The following HELZ2 variants were observed in gnomAD, a reference collection of about 807,000 sequenced individuals.
HELZ2 encodes 3'-5' exoribonuclease HELZ2.
A neutral mutation model predicts 208.8 loss-of-function variants in HELZ2; 143 were observed. The ratio of observed to expected loss-of-function variants is 0.68; its 90% CI spans 0.60 to 0.79. The LOEUF is 0.79. HELZ2 is among the 30% of genes least tolerant of loss of function. HELZ2 has a pLI of 0.00. For synonymous variants in HELZ2, 1,705 were observed against 1,693.7 expected, an observed-to-expected ratio of 1.01 and a Z score of -0.16; for missense variants, 3,690 against 3,794.5, an observed-to-expected ratio of 0.97 and a Z score of 0.72.
At chr20:63,559,396 G>A (rs1267659291) in intron 18 of HELZ2, 26 bp from the exon 20 acceptor site, 2 of 1,560,116 alleles carry the variant, frequency 1.3e-6, no homozygotes, top group African/African-American at 1.4e-5. Context: ...TCAGATGGGA[G>A]TCAGTCAGGG....
chr20:63,567,314 C>T, exon 6 of HELZ2: 1 of 1,609,794 alleles, frequency 6.2e-7, no homozygotes, highest in Non-Finnish European at 8.5e-7. Flanking sequence ...GAGGCATAGG[C>T]CAGCGGGGTG....
In HELZ2 at chr20:63,568,495, AG is replaced by A; in HGVS notation, c.1592del (p.Pro531LeufsTer73). 6.3e-7 allele frequency: 1 copy of A among 1,586,996 alleles called. No individual in the cohort carries two copies. On this transcript the variant is annotated frameshift_variant, in exon 5 of 19. Coordinates refer to ENST00000467148, the Ensembl canonical transcript of HELZ2. LOFTEE classifies it high-confidence loss of function. The stretch of plus-strand genomic sequence containing the variant: ...GCGGGGGGACACGCCTCCCATCCCC[AG>A]GGCCCCAGCCCGCGATGAGCGCCAC...
At chr20:63,570,794 C>A in exon 2 of HELZ2, 1 of 1,610,938 alleles carries the variant, frequency 6.2e-7, no homozygotes. Flanking sequence ...AGCCTGCGTG[C>A]GCCGGACCCA....
chr20:63,565,355 T>G, exon 8 of HELZ2: 3 of 1,607,430 alleles, frequency 1.9e-6, no homozygotes, highest in Non-Finnish European at 2.5e-6. Context: ...GCCCCTGACC[T>G]GGATGGGGCC....
chr20:63,568,961 A>T lies in HELZ2; in HGVS notation c.1127T>A (p.Leu376Ter). 6.2e-7 allele frequency: 1 copy of T among 1,604,676 alleles called. No homozygotes were observed. Residue 376 changes from leucine (L) to a stop codon, truncating the protein, a stop_gained, in exon 5 of 19, where the codon TTG (leucine) becomes TAG (stop). Transcript: ENST00000467148. LOFTEE classifies it high-confidence loss of function. ...GAGCATGTTCAGCGCTGGCGTCTGC[A>T]ATGCCGTCTTCAGGAACACCTGGCC...
chr20:63,568,767 A>C, exon 5 of HELZ2: 2 of 1,606,208 alleles, frequency 1.2e-6, no homozygotes, highest in Non-Finnish European at 1.7e-6. Context: ...GCCTGCTCTG[A>C]GCTGGCCCGC....
rs2082873489 is a variant in HELZ2 at position 63,560,458 on chromosome 20, TCA to T, written c.7500+19_7500+20del. On this transcript the variant is annotated intron_variant, in intron 16 of 18. Transcript: ENST00000467148. ...CCTCCTCCAGAAAGCCCTCCCTGAC[TCA>T]CAGGCACCAGACACTCACCACCTCA... The T allele has an allele frequency of 6.2e-7, 1 of 1,604,160 alleles. No individual in the cohort carries two copies. The highest frequency in any genetic ancestry group is 1.3e-5 in the African/African-American group (1 of 74,520).
rs750726598 is a variant in HELZ2, at chr20:63,562,841, A to AGGAAGGCGGCCTCCAGGC, written c.5963_5980dup (p.Arg1988_Phe1993dup). The AGGAAGGCGGCCTCCAGGC allele has an allele frequency of 1.2e-5, 19 of 1,609,726 alleles. No individual in the cohort carries two copies. The South Asian group carries it at 1.9e-4, about 16-fold the overall frequency. The stretch of plus-strand genomic sequence containing the variant: ...GTTGATGTCGGCACAGTTCTCCTCG[A>AGGAAGGCGGCCTCCAGGC]GGAAGGCGGCCTCCAGGCGGAAGGC... On this transcript the variant is annotated inframe_insertion, in exon 8 of 19. Coordinates refer to ENST00000467148, the Ensembl canonical transcript of HELZ2.
At chr20:63,570,648 C>A in intron 2 of HELZ2, 37 bp from the exon 4 acceptor site, 1 of 733,926 alleles carries the variant, frequency 1.4e-6, no homozygotes, top group South Asian at 1.4e-5. Flanking sequence ...GAGGCCTGGA[C>A]CCCACCCCAC....
At chr20:63,572,589 G>C, upstream of HELZ2, 1 of 570,472 alleles carries the variant, frequency 1.8e-6, no homozygotes, top group Non-Finnish European at 3.0e-6. Context: ...TGCCCCTGGG[G>C]GTCCACGCGA....
At chr20:63,567,856 G>GGTGTCTGCAGTGTC in intron 5 of HELZ2, 1 of 885,748 alleles carries the variant, frequency 1.1e-6, no homozygotes, top group Non-Finnish European at 1.7e-6. Context: ...TGACACTGCA[G>GGTGTCTGCAGTGTC]ACACCTGCAC....
chr20:63,568,783 C>T, exon 5 of HELZ2: 1 of 1,611,158 alleles, frequency 6.2e-7, no homozygotes, highest in African/African-American at 1.3e-5. Flanking sequence ...CCCGCCTCTC[C>T]AGCCGCACCT....
Position 63,568,806 on chromosome 20 carries a change from T to TGTCCC in HELZ2, c.1281_1282insGGGAC (p.Asn428GlyfsTer51). ...TCCAGCCGCACCTCGAACACCGTAT[T>TGTCCC]GTCGGGTGCAGGTACAGGGGCCACC... is the stretch of plus-strand genomic sequence containing the variant. On this transcript the variant is annotated frameshift_variant, in exon 5 of 19. Transcript: ENST00000467148. LOFTEE classifies it high-confidence loss of function. 6.2e-7 allele frequency: 1 copy of TGTCCC among 1,612,156 alleles called. No individual in the cohort carries two copies. Among genetic ancestry groups the TGTCCC allele is most frequent in the Non-Finnish European group, 8.5e-7 (1 of 1,179,816 alleles).
chr20:63,568,915 C>G (rs139311285), exon 5 of HELZ2: 13 of 1,610,324 alleles, frequency 8.1e-6, no homozygotes, highest in Non-Finnish European at 1.1e-5. Context: ...CCTCTGCGTA[C>G]AGTGCTCCCG....
upstream of HELZ2, chr20:63,572,518 G>A (rs1176828125): frequency 3.9e-6 from 4 of 1,026,150 alleles, no homozygotes; most frequent in Admixed American, 1.2e-4. Context: ...ACTGTTGCTT[G>A]CGGCGGCCCT....
At chr20:63,567,570 G>A (rs942000586) in exon 6 of HELZ2, 14 of 1,586,104 alleles carry the variant, frequency 8.8e-6, no homozygotes, top group African/African-American at 6.7e-5. Context: ...GAGTGGCCTC[G>A]GGGTGGCCGC....
exon 8 of HELZ2, chr20:63,564,961 C>A: frequency 1.2e-6 from 2 of 1,607,388 alleles, no homozygotes. Flanking sequence ...TGGCCTCAGG[C>A]AGCACCTCCC....
intron 6 of HELZ2, 148 bp downstream of exon 7, chr20:63,566,696 C>G (rs1569035134): frequency 6.1e-6 from 5 of 817,442 alleles, no homozygotes; most frequent in Non-Finnish European, 9.4e-6. Context: ...CCTCAGGGGC[C>G]GAGCCCCACC....
At chr20:63,568,621 A>T (rs371287188) in exon 5 of HELZ2, 1 of 1,601,888 alleles carries the variant, frequency 6.2e-7, no homozygotes, top group African/African-American at 1.3e-5. Flanking sequence ...GCTGCTCCTC[A>T]GGCAGTGTGT....
Sources: allele counts gnomAD v4.1 joint callset, GRCh38; gene constraint gnomAD v4.1.1; transcripts MANE v1.5; gene names NCBI Gene and HGNC (gene_info 2026-07-23, HGNC 2026-07-21).